Variants in HMCES observed in about 807,000 individuals in gnomAD.
The protein encoded by HMCES is 5-hydroxymethylcytosine binding, ES cell specific.
Under a neutral mutation model 35.1 loss-of-function variants are expected in HMCES, and 27 were observed. The observed-to-expected ratio is 0.77, with a 90% confidence interval of 0.57 to 1.06. HMCES has a LOEUF of 1.06. Ranked by LOEUF, HMCES falls within the 50% of genes least tolerant of loss-of-function variation. The pLI, the probability that HMCES is intolerant of heterozygous loss-of-function variation, is 0.00. For missense variants in HMCES, 391 were observed against 430.4 expected (o/e 0.91, Z 0.81); for synonymous variants, 130 against 154.7 (o/e 0.84, Z 1.18).
At chr3:129,286,789 T>G (rs924379152) in intron 2 of HMCES, among the ~76,000 whole-genome samples, 1 of 152,164 alleles carries the variant, frequency 6.6e-6, no homozygotes, top group Admixed American at 6.5e-5. Context: ...TGAACCATTG[T>G]AGTAACACCC....
In HMCES at chr3:129,290,743, G is replaced by T; in HGVS notation, c.392G>T (p.Cys131Phe). 1.2e-6 allele frequency: 2 copies of T among 1,613,614 alleles called. No individual in the cohort carries two copies. Among genetic ancestry groups the T allele is most frequent in the Non-Finnish European group, 1.7e-6 (2 of 1,179,574 alleles). The part of the protein sequence containing the change: ...LADGFYEWQR[C>F]QGTNQRQPYF... ...GATGGATTCTATGAGTGGCAGCGATGTCAGGGAACAAACCAGAGGCAGCCA... is the reference window on the plus strand; with the variant it reads ...GATGGATTCTATGAGTGGCAGCGATTTCAGGGAACAAACCAGAGGCAGCCA... The change falls in exon 4 of 7, where the codon TGT becomes TTT. Residue 131 changes from cysteine to phenylalanine, a missense_variant. Physicochemically the swap from Cys to Phe is radical, Grantham distance 205 (BLOSUM62 -2). Transcript: ENST00000383463.
chr3:129,288,392 A>G (rs1481735109), intron 2 of HMCES, among the ~76,000 whole-genome samples: 2 of 152,234 alleles, frequency 1.3e-5, no homozygotes, highest in Non-Finnish European at 2.9e-5. Context: ...CTACATCATG[A>G]TAAGTCATTA....
chr3:129,284,692 C>G (rs1394241463), intron 2 of HMCES, among the ~76,000 whole-genome samples: 1 of 152,178 alleles, frequency 6.6e-6, no homozygotes, highest in Non-Finnish European at 1.5e-5. Context: ...GCAGGCGGAT[C>G]ACTTGAGGTC....
chr3:129,288,933 C>T lies in HMCES; in HGVS notation c.263C>T (p.Ser88Phe), dbSNP rs1560074381. Reference protein sequence around the residue: ...VPSWFKESDPSKLQFNTTNCR... With the variant: ...VPSWFKESDPFKLQFNTTNCR... ...TCTTGGTTCAAAGAAAGTGATCCTTCCAAGCTGCAGTTCAATACTACCAAC... is the reference window on the plus strand; with the variant it reads ...TCTTGGTTCAAAGAAAGTGATCCTTTCAAGCTGCAGTTCAATACTACCAAC... The change falls in exon 3 of 7, where the codon TCC becomes TTC. Residue 88 changes from serine (S) to phenylalanine (F), a missense_variant. Transcript: ENST00000383463. 6.2e-7 allele frequency: 1 copy of T among 1,603,104 alleles called. No homozygotes were observed. Among genetic ancestry groups the T allele is most frequent in the Admixed American group, 1.7e-5 (1 of 59,882 alleles).
At chr3:129,296,548 A>T (rs770438223) in intron 4 of HMCES, among the ~76,000 whole-genome samples, 1 of 151,680 alleles carries the variant, frequency 6.6e-6, no homozygotes, top group African/African-American at 2.4e-5. Flanking sequence ...TGGTTCTGTT[A>T]ATTTCTATAT....
chr3:129,305,040 A>C lies in HMCES; in HGVS notation c.*215A>C. 3.5e-6 allele frequency: 2 copies of C among 579,504 alleles called. No individual in the cohort carries two copies. Among genetic ancestry groups the C allele is most frequent in the South Asian group, 2.1e-5 (1 of 47,810 alleles). 35.9% of individuals were successfully genotyped at this position (579,504 alleles called of 1,614,324 possible). On this transcript the variant is annotated 3_prime_UTR_variant, in exon 7 of 7. Transcript: ENST00000383463. ...AGGTGTCCTGCTGCTGTTACCAGCC[A>C]TGTGGGCCCCATAGGGGCACTGCGC...
intron 6 of HMCES, among the ~76,000 whole-genome samples, chr3:129,304,120 A>G (rs1389047290): frequency 1.3e-5 from 2 of 152,176 alleles, no homozygotes; most frequent in Non-Finnish European, 2.9e-5. Context: ...CTTTCAGTTC[A>G]GGATTGGGGT....
chr3:129,300,807 G>A (rs1201214092), intron 5 of HMCES, among the ~76,000 whole-genome samples: 1 of 152,070 alleles, frequency 6.6e-6, no homozygotes, highest in Admixed American at 6.6e-5. Context: ...GAGGCGGGTG[G>A]ATCATGAGGT....
chr3:129,302,711 G>A (rs759052410), intron 6 of HMCES, among the ~76,000 whole-genome samples: 66 of 150,138 alleles, frequency 4.4e-4, no homozygotes, highest in Non-Finnish European at 6.4e-4. Flanking sequence ...GCGAGACTGC[G>A]TTTCAAAAAA....
intron 2 of HMCES, among the ~76,000 whole-genome samples, chr3:129,280,382 CA>C (rs760946680): frequency 4.6e-4 from 70 of 151,672 alleles, no homozygotes; most frequent in Non-Finnish European, 8.7e-4. Context: ...CCCATCTCTA[CA>C]AAAAATAAAA....
intron 4 of HMCES, among the ~76,000 whole-genome samples, chr3:129,297,117 G>T (rs1359581700): frequency 1.3e-5 from 2 of 152,120 alleles, no homozygotes; most frequent in Non-Finnish European, 1.5e-5. Flanking sequence ...CTTTCCAGAG[G>T]GTTTCTCAGC....
chr3:129,282,987 C>G (rs965158788), intron 2 of HMCES, among the ~76,000 whole-genome samples: 3 of 152,206 alleles, frequency 2.0e-5, no homozygotes, highest in African/African-American at 7.2e-5. Flanking sequence ...GAGCAGAATT[C>G]TCAACCTTGA....
chr3:129,293,561 C>CTTTTTT (rs60989412), intron 4 of HMCES, among the ~76,000 whole-genome samples: 2 of 86,706 alleles, frequency 2.3e-5, no homozygotes, highest in South Asian at 3.8e-4. Flanking sequence ...TACATTAATT[C>CTTTTTT]TTTTTTTTTT....
chr3:129,295,264 T>C (rs2071078186), intron 4 of HMCES, among the ~76,000 whole-genome samples: 1 of 150,198 alleles, frequency 6.7e-6, no homozygotes, highest in South Asian at 2.1e-4. Context: ...TTCAAAACCT[T>C]GGCCAGGCAC....
intron 3 of HMCES, among the ~76,000 whole-genome samples, chr3:129,289,650 C>T (rs1343077647): frequency 6.6e-6 from 1 of 151,834 alleles, no homozygotes; most frequent in Admixed American, 6.6e-5. Context: ...ACTGGGATTA[C>T]AGGTGTGAGC....
At chr3:129,286,464 C>T (rs1046218937) in intron 2 of HMCES, among the ~76,000 whole-genome samples, 4 of 152,148 alleles carry the variant, frequency 2.6e-5, no homozygotes, top group African/African-American at 7.2e-5. Flanking sequence ...GTTACAAGCC[C>T]GTCCAGATTC....
intron 4 of HMCES, among the ~76,000 whole-genome samples, chr3:129,292,141 A>G (rs1455049830): frequency 1.3e-5 from 2 of 152,202 alleles, no homozygotes; most frequent in Non-Finnish European, 2.9e-5. Context: ...AAACATTATC[A>G]GGAGATTGAA....
chr3:129,300,169 T>C (rs1160983431), intron 5 of HMCES, among the ~76,000 whole-genome samples: 1 of 88,300 alleles, frequency 1.1e-5, no homozygotes, highest in Non-Finnish European at 1.9e-5. Flanking sequence ...TGCATCTTTA[T>C]ATATATATAT....
intron 4 of HMCES, among the ~76,000 whole-genome samples, chr3:129,293,561 CTTTTT>C (rs60989412): frequency 0.018 from 1,565 of 86,642 alleles, 17 homozygotes; most frequent in East Asian, 0.11. Flanking sequence ...TACATTAATT[CTTTTT>C]TTTTTTTTTT....
Sources: allele counts gnomAD v4.1 joint callset (sites outside exome capture counted in the v4.1 genomes callset), GRCh38; gene constraint gnomAD v4.1.1; transcripts MANE v1.5; gene names NCBI Gene and HGNC (gene_info 2026-07-23, HGNC 2026-07-21).